Variants in TCP11L1 observed in about 807,000 individuals in gnomAD.
TCP11L1 encodes t-complex 11 like 1.
Under a neutral mutation model 48.9 loss-of-function variants are expected in TCP11L1, and 28 were observed. The observed-to-expected ratio is 0.57, with a 90% CI of 0.42 to 0.78. The LOEUF is 0.78. Among genes scored for constraint, TCP11L1 ranks in the 30% least tolerant of loss-of-function variants. TCP11L1 has a pLI of 0.00. For synonymous variants in TCP11L1, 204 were observed against 231.9 expected, an observed-to-expected ratio of 0.88 and a Z score of 1.09; for missense variants, 505 against 613.4, an observed-to-expected ratio of 0.82 and a Z score of 1.87.
In TCP11L1 at chr11:33,054,725, G is replaced by C; in HGVS notation, c.296G>C (p.Ser99Thr). 6.2e-7 allele frequency: 1 copy of C among 1,610,716 alleles called. No homozygotes were observed. Among genetic ancestry groups the C allele is most frequent in the East Asian group, 2.2e-5 (1 of 44,754 alleles). The change falls in exon 3 of 10, where the codon AGC (serine) becomes ACC (threonine). Residue 99 changes from serine to threonine, a missense_variant and splice_region_variant. Physicochemically the swap from Ser to Thr is moderately conservative, Grantham distance 58. Coordinates refer to ENST00000334274, the MANE Select transcript of TCP11L1 (RefSeq NM_018393.4). Reference protein sequence around the residue: ...QIKPVELPENSLKKRVKEIVH... With the variant: ...QIKPVELPENTLKKRVKEIVH... ...AAACCAGTTGAATTACCAGAAAACA[G>C]GTAAGGTGGTTGCTAAATTATCTTG...
intron 2 of TCP11L1, among the ~76,000 whole-genome samples, chr11:33,054,367 A>T (rs940534768): frequency 1.3e-5 from 2 of 152,170 alleles, no homozygotes; most frequent in Non-Finnish European, 2.9e-5. Context: ...CAGTCTTAGT[A>T]AAAACCAGAT....
chr11:33,053,529 A>G (rs2133711363), intron 2 of TCP11L1, among the ~76,000 whole-genome samples: 1 of 152,332 alleles, frequency 6.6e-6, no homozygotes, highest in Middle Eastern at 3.4e-3. Flanking sequence ...ATCAAAAGAG[A>G]AGTATGGACA....
intron 9 of TCP11L1, among the ~76,000 whole-genome samples, chr11:33,071,891 G>A (rs924203512): frequency 3.3e-5 from 5 of 151,974 alleles, no homozygotes; most frequent in African/African-American, 1.2e-4. Context: ...TGTCGCCCAG[G>A]CTGGAGTGCA....
chr11:33,043,444 G>A lies in TCP11L1; in HGVS notation c.-24-306G>A, dbSNP rs534059378. On this transcript the variant is annotated intron_variant, in intron 1 of 9. Transcript: ENST00000334274. ...AAATTGTAGCAGCAGGTAGTTTAGA[G>A]TGTGTCTTCTAATAGTTTAAGGCCC... 4.8e-4 allele frequency among the ~76,000 whole-genome samples: 73 copies of A among 152,340 alleles called. 1 individual carries two copies. The highest frequency in any genetic ancestry group is 4.6e-3 in the Admixed American group (71 of 15,308).
intron 7 of TCP11L1, among the ~76,000 whole-genome samples, chr11:33,063,145 G>A (rs956662290): frequency 6.6e-6 from 1 of 152,204 alleles, no homozygotes; most frequent in Non-Finnish European, 1.5e-5. Context: ...TTACAGGCAT[G>A]AGCTACCATG....
rs1011061717 is a variant in TCP11L1 at position 33,064,933 on chromosome 11, G to A, written c.973-897G>A. ...GAGCCTCCCAGTAGCTGGGACTGCA[G>A]GCACCCACCATCGCACCTGGCCTTC... On this transcript the variant is annotated intron_variant, in intron 7 of 9. Coordinates refer to ENST00000334274, the MANE Select transcript of TCP11L1 (RefSeq NM_018393.4). Among the ~76,000 whole-genome samples the A allele has an allele frequency of 4.6e-5, 7 of 152,196 alleles. No homozygotes were observed. The South Asian group carries it at 1.2e-3, about 27-fold the overall frequency.
chr11:33,070,864 T>C (rs900562312), intron 9 of TCP11L1, among the ~76,000 whole-genome samples: 1 of 151,032 alleles, frequency 6.6e-6, no homozygotes, highest in Admixed American at 6.6e-5. Context: ...TTCCTGGGCA[T>C]GGTGGCGTGT....
chr11:33,066,148 GTTGGTTCAC>G, intron 8 of TCP11L1, 137 bp downstream of exon 8: 1 of 1,176,798 alleles, frequency 8.5e-7, no homozygotes, highest in Non-Finnish European at 1.2e-6. Context: ...TGCTGTCTCA[GTTGGTTCAC>G]TTGGCGAAGA....
intron 7 of TCP11L1, among the ~76,000 whole-genome samples, chr11:33,064,153 G>A (rs961644): frequency 0.42 from 63,862 of 151,726 alleles, 13,740 homozygotes; most frequent in African/African-American, 0.51. Flanking sequence ...AAAATAAATA[G>A]AAAAGAAAAG....
At chr11:33,068,998 G>A (rs1854700352) in intron 9 of TCP11L1, 139 bp downstream of exon 9, 15 of 1,111,634 alleles carry the variant, frequency 1.3e-5, no homozygotes, top group Non-Finnish European at 1.9e-5. Context: ...ACCACAGAGA[G>A]ACCAGGGCCA....
At chr11:33,061,132 CT>C (rs1346050141) in intron 6 of TCP11L1, among the ~76,000 whole-genome samples, 1 of 151,956 alleles carries the variant, frequency 6.6e-6, no homozygotes, top group African/African-American at 2.4e-5. Flanking sequence ...ATTTTTGTAT[CT>C]TTTGTAGAGA....
At chr11:33,054,201 A>T (rs1372736112) in intron 2 of TCP11L1, among the ~76,000 whole-genome samples, 1 of 151,866 alleles carries the variant, frequency 6.6e-6, no homozygotes, top group Non-Finnish European at 1.5e-5. Flanking sequence ...GCAAAAGAGA[A>T]GATCTTAAAT....
rs1854394901 is a variant in TCP11L1 at position 33,058,958 on chromosome 11, G to A, written c.639-1G>A. 2.5e-6 allele frequency: 4 copies of A among 1,610,504 alleles called. No individual in the cohort carries two copies. The highest frequency in any genetic ancestry group is 3.4e-6 in the Non-Finnish European group (4 of 1,179,056). On this transcript the variant is annotated splice_acceptor_variant, in intron 5 of 9. Transcript: ENST00000334274. LOFTEE classifies it high-confidence loss of function. Reference sequence around the variant, plus strand: ...TGCTTCTAAATCCTTTTTTCTTTCAGAGAAATTTTTTCTGTGTTGGACCTA... The same window carrying A: ...TGCTTCTAAATCCTTTTTTCTTTCAAAGAAATTTTTTCTGTGTTGGACCTA...
At chr11:33,072,377 T>TC in intron 9 of TCP11L1, 97 bp from the exon 10 acceptor site, 1 of 1,296,178 alleles carries the variant, frequency 7.7e-7, no homozygotes, top group Non-Finnish European at 1.1e-6. Context: ...GGGGACAACT[T>TC]CCCCTAAGAG....
Position 33,072,741 on chromosome 11 carries a change from T to A in TCP11L1, c.*65T>A. 1 of 1,576,878 alleles carries A rather than the reference T, an allele frequency of 6.3e-7. No individual in the cohort carries two copies. Among genetic ancestry groups the A allele is most frequent in the Non-Finnish European group, 8.7e-7 (1 of 1,148,890 alleles). ...ACAGAATACCTGTTCTGTACTCTAA[T>A]GTTGCATTGGAAAATGGCTATATAG... On this transcript the variant is annotated 3_prime_UTR_variant, in exon 10 of 10. Transcript: ENST00000334274.
chr11:33,060,113 G>T (rs928560776), intron 6 of TCP11L1, among the ~76,000 whole-genome samples: 1 of 152,080 alleles, frequency 6.6e-6, no homozygotes, highest in African/African-American at 2.4e-5. Context: ...TGTTGTTGTT[G>T]TTGTTTTCTT....
intron 9 of TCP11L1, among the ~76,000 whole-genome samples, chr11:33,070,769 A>C (rs1367907089): frequency 6.6e-6 from 1 of 151,292 alleles, no homozygotes; most frequent in African/African-American, 2.4e-5. Flanking sequence ...TGGGAGGCCA[A>C]GGTGGGCAGA....
In TCP11L1 at chr11:33,065,869, T is replaced by C. The variant is rs1370958116; in HGVS notation, c.1012T>C (p.Leu338=). The C allele has an allele frequency of 1.9e-6, 3 of 1,613,974 alleles. No homozygotes were observed. Among genetic ancestry groups the C allele is most frequent in the Non-Finnish European group, 2.5e-6 (3 of 1,179,964 alleles). Reference sequence around the variant, plus strand: ...CCAGTCTCGCTTCCACGAGCTCCAGTTGCAGCTGGAACAACTGACCATCCT... The same window carrying C: ...CCAGTCTCGCTTCCACGAGCTCCAGCTGCAGCTGGAACAACTGACCATCCT... The part of the protein sequence containing the change: ...MDQSRFHELQ[L]QLEQLTILGA... The change falls in exon 8 of 10, where the codon TTG becomes CTG. Residue 338 remains leucine, a synonymous_variant. Transcript: ENST00000334274.
intron 2 of TCP11L1, among the ~76,000 whole-genome samples, chr11:33,051,008 G>T (rs766544749): frequency 6.6e-6 from 1 of 151,648 alleles, no homozygotes; most frequent in Non-Finnish European, 1.5e-5. Context: ...ATGGGGTTTC[G>T]CCATGTTGCC....
Sources: gnomAD v4.1 joint callset for allele counts (sites outside exome capture counted in the v4.1 genomes callset) on GRCh38, gnomAD v4.1.1 for gene constraint, MANE v1.5 for transcripts, NCBI Gene and HGNC (gene_info 2026-07-23, HGNC 2026-07-21) for gene names.